B3GALT1: variants seen among roughly 807,000 people sequenced by gnomAD.
The protein encoded by B3GALT1 is UDP-Gal:betaGlcNAc beta 1,3-galactosyltransferase, polypeptide 1.
B3GALT1 carries 10 observed loss-of-function variants against 23.2 expected under a neutral mutation model. The observed-to-expected ratio is 0.43, with a 90% CI of 0.27 to 0.73. The LOEUF (loss-of-function observed/expected upper bound fraction) is 0.73. Among genes scored for constraint, B3GALT1 ranks in the 30% least tolerant of loss-of-function variants. The pLI, the probability that B3GALT1 is intolerant of heterozygous loss-of-function variation, is 0.21. For synonymous variants in B3GALT1, 156 were observed against 141.5 expected, an observed-to-expected ratio of 1.10 and a Z score of -0.73; for missense variants, 299 against 405.4, an observed-to-expected ratio of 0.74 and a Z score of 2.25.
chr2:167,647,255 C>T (rs959120108), intron 3 of B3GALT1, among the ~76,000 whole-genome samples: 1 of 152,186 alleles, frequency 6.6e-6, no homozygotes, highest in African/African-American at 2.4e-5. Flanking sequence ...GAAAATCCAA[C>T]TCGACTATTT....
intron 2 of B3GALT1, among the ~76,000 whole-genome samples, chr2:167,519,186 C>T (rs147498293): frequency 1.3e-5 from 2 of 152,034 alleles, no homozygotes; most frequent in Admixed American, 1.3e-4. Flanking sequence ...GGAATATGGA[C>T]TCAGCGCATT....
chr2:167,487,106 A>T (rs11899757), intron 1 of B3GALT1, among the ~76,000 whole-genome samples: 72,690 of 152,068 alleles, frequency 0.48, 19,447 homozygotes, highest in East Asian at 0.87. Context: ...GAGAAAGTAA[A>T]GAAACTGTCC....
intron 2 of B3GALT1, among the ~76,000 whole-genome samples, chr2:167,645,863 AC>A (rs1185063650): frequency 6.6e-6 from 1 of 151,602 alleles, no homozygotes; most frequent in African/African-American, 2.4e-5. Flanking sequence ...AAGCCACCAC[AC>A]CCGGCCCAAT....
rs115751300 is a variant in B3GALT1, at chr2:167,779,070, G to A, written c.-351-39602G>A. ...GGAAGGAGGCTAGATCTATGCAGAC[G>A]CACTCTACTGGAAAGCCCAGGAAAG... On this transcript the variant is annotated intron_variant, in intron 3 of 4. Coordinates refer to ENST00000392690, the MANE Select transcript of B3GALT1 (RefSeq NM_020981.4). Among the ~76,000 whole-genome samples the A allele has an allele frequency of 5.8e-3, 889 of 152,234 alleles. 7 individuals are homozygous for A. The highest frequency in any genetic ancestry group is 0.02 in the African/African-American group (831 of 41,534).
chr2:167,671,573 G>T (rs1686326231), intron 3 of B3GALT1, among the ~76,000 whole-genome samples: 1 of 151,984 alleles, frequency 6.6e-6, no homozygotes, highest in Non-Finnish European at 1.5e-5. Flanking sequence ...CAAAGAAGAA[G>T]TCAAAAATGA....
At chr2:167,553,877 T>A (rs1172839955) in intron 2 of B3GALT1, among the ~76,000 whole-genome samples, 1 of 152,034 alleles carries the variant, frequency 6.6e-6, no homozygotes, top group Admixed American at 6.6e-5. Flanking sequence ...TCCCAGTGAT[T>A]AAAAAGAAGG....
At chr2:167,660,422 T>C (rs1393416088) in intron 3 of B3GALT1, among the ~76,000 whole-genome samples, 1 of 152,110 alleles carries the variant, frequency 6.6e-6, no homozygotes, top group African/African-American at 2.4e-5. Flanking sequence ...TCAAAGATGA[T>C]TCAGTAGAAG....
chr2:167,582,670 C>T (rs566601139), intron 2 of B3GALT1, among the ~76,000 whole-genome samples: 1 of 152,152 alleles, frequency 6.6e-6, no homozygotes, highest in South Asian at 2.1e-4. Flanking sequence ...TGATCTAGTA[C>T]ATTGGTTAGG....
At chr2:167,401,413 T>C (rs745713351) in intron 1 of B3GALT1, among the ~76,000 whole-genome samples, 1 of 152,078 alleles carries the variant, frequency 6.6e-6, no homozygotes, top group Non-Finnish European at 1.5e-5. Context: ...GAGTTCCACA[T>C]TGGGTCCTTC....
At chr2:167,585,827 A>G (rs1309885611) in intron 2 of B3GALT1, among the ~76,000 whole-genome samples, 3 of 152,242 alleles carry the variant, frequency 2.0e-5, no homozygotes, top group Admixed American at 2.0e-4. Flanking sequence ...AAATTTAGGA[A>G]TAAATACTAT....
intron 4 of B3GALT1, among the ~76,000 whole-genome samples, chr2:167,831,901 A>G (rs1689362084): frequency 6.6e-6 from 1 of 152,238 alleles, no homozygotes. Flanking sequence ...ACCTAGATTT[A>G]CAGTGGTAAA....
chr2:167,654,193 T>C (rs1685913110), intron 3 of B3GALT1, among the ~76,000 whole-genome samples: 1 of 152,216 alleles, frequency 6.6e-6, no homozygotes, highest in Non-Finnish European at 1.5e-5. Flanking sequence ...ACTTAATGGA[T>C]TGTGTGAAGA....
chr2:167,561,453 A>G (rs1337589977), intron 2 of B3GALT1, among the ~76,000 whole-genome samples: 1 of 152,116 alleles, frequency 6.6e-6, no homozygotes, highest in Non-Finnish European at 1.5e-5. Flanking sequence ...AATAACTAAA[A>G]TCAGAGCAGA....
intron 1 of B3GALT1, among the ~76,000 whole-genome samples, chr2:167,474,045 C>T (rs192632878): frequency 6.6e-6 from 1 of 152,242 alleles, no homozygotes; most frequent in Non-Finnish European, 1.5e-5. Flanking sequence ...ATAGCATGGG[C>T]TTTTAAGCTG....
At chr2:167,582,651 C>T (rs569022696) in intron 2 of B3GALT1, among the ~76,000 whole-genome samples, 5 of 152,030 alleles carry the variant, frequency 3.3e-5, no homozygotes, top group African/African-American at 7.2e-5. Flanking sequence ...TGATGGGGCA[C>T]GGCTTAGGTG....
chr2:167,827,295 G>A (rs552968797), intron 4 of B3GALT1, among the ~76,000 whole-genome samples: 9 of 152,326 alleles, frequency 5.9e-5, no homozygotes, highest in South Asian at 2.1e-4. Flanking sequence ...TGCCAGTCAC[G>A]GTAAGCAGGG....
chr2:167,774,497 G>GTTTT (rs397986581), intron 3 of B3GALT1, among the ~76,000 whole-genome samples: 2 of 82,992 alleles, frequency 2.4e-5, no homozygotes, highest in African/African-American at 4.8e-5. Context: ...TTTTTTTTTT[G>GTTTT]TTTTTTTTTT....
chr2:167,438,023 T>C lies in B3GALT1; in HGVS notation c.-510-52154T>C, dbSNP rs551675797. 1.7e-4 allele frequency among the ~76,000 whole-genome samples: 26 copies of C among 152,270 alleles called. No homozygotes were observed. In the South Asian group the frequency reaches 5.0e-3, roughly 29 times the overall value. On this transcript the variant is annotated intron_variant, in intron 1 of 4. Coordinates refer to ENST00000392690, the MANE Select transcript of B3GALT1 (RefSeq NM_020981.4). ...TGAGGCTAAAAAGAGTAGAAAGCAA[T>C]AGTAAACAATTTCTATCATGTTCTA...
chr2:167,327,131 C>T (rs1162518069), intron 1 of B3GALT1, among the ~76,000 whole-genome samples: 1 of 152,080 alleles, frequency 6.6e-6, no homozygotes, highest in East Asian at 1.9e-4. Flanking sequence ...TAATTTTATA[C>T]CAATTCCATG....
Sources: allele counts gnomAD v4.1 joint callset (sites outside exome capture counted in the v4.1 genomes callset), GRCh38; gene constraint gnomAD v4.1.1; transcripts MANE v1.5; gene names NCBI Gene and HGNC (gene_info 2026-07-23, HGNC 2026-07-21).